Variants in NUSAP1 observed in about 807,000 individuals in gnomAD.
NUSAP1 encodes nucleolar and spindle associated protein 1.
Under a neutral mutation model 52.8 loss-of-function variants are expected in NUSAP1, and 32 were observed. The observed-to-expected ratio is 0.61, with a 90% CI of 0.46 to 0.81. NUSAP1 has a LOEUF of 0.81. Ranked by LOEUF, NUSAP1 falls within the 40% of genes least tolerant of loss-of-function variation. The probability of loss-of-function intolerance (pLI) is 0.00; values close to 1 mark genes in which losing one functional copy is unlikely to be tolerated. For synonymous variants in NUSAP1, 195 were observed against 183.1 expected (o/e 1.06, Z -0.52); for missense variants, 499 against 522.3 (o/e 0.96, Z 0.43).
intron 1 of NUSAP1, among the ~76,000 whole-genome samples, chr15:41,335,608 A>C (rs1243694902): frequency 2.2e-5 from 3 of 138,854 alleles, no homozygotes; most frequent in African/African-American, 7.8e-5. Context: ...TAAATACTAT[A>C]CTTAATATAC....
chr15:41,342,233 C>A (rs1037666459), intron 1 of NUSAP1, among the ~76,000 whole-genome samples, 153 bp from the exon 2 acceptor site: 12 of 152,292 alleles, frequency 7.9e-5, no homozygotes, highest in Admixed American at 7.9e-4. Flanking sequence ...ATGTGAAATT[C>A]CTTAGAGCAG....
At chr15:41,355,958 G>C in intron 4 of NUSAP1, 81 bp from the exon 5 acceptor site, 1 of 804,228 alleles carries the variant, frequency 1.2e-6, no homozygotes. Context: ...GATTACAGGC[G>C]TGAGCTACCG....
intron 1 of NUSAP1, among the ~76,000 whole-genome samples, chr15:41,341,483 C>G (rs1484532856): frequency 6.6e-6 from 1 of 152,112 alleles, no homozygotes; most frequent in Non-Finnish European, 1.5e-5. Context: ...TCCCTTCCCC[C>G]GGCAGAGACC....
At chr15:41,344,963 C>G (rs552587872) in intron 2 of NUSAP1, among the ~76,000 whole-genome samples, 1 of 152,152 alleles carries the variant, frequency 6.6e-6, no homozygotes, top group African/African-American at 2.4e-5. Flanking sequence ...AAAAAAACCA[C>G]CGCACTTATT....
intron 10 of NUSAP1, 94 bp downstream of exon 10, chr15:41,377,398 G>A: frequency 1.5e-6 from 1 of 657,454 alleles, no homozygotes; most frequent in Non-Finnish European, 2.5e-6. Flanking sequence ...GTTTTAAGAG[G>A]AGGTTAGAAG....
intron 2 of NUSAP1, among the ~76,000 whole-genome samples, chr15:41,348,732 C>G (rs557710509): frequency 9.9e-5 from 15 of 152,038 alleles, no homozygotes; most frequent in Admixed American, 7.2e-4. Context: ...CTCCCCTTGC[C>G]GGGTCAAGTG....
At position 41,380,383 on chromosome 15, in the gene NUSAP1, G is replaced by A. The variant is rs1438991417; in HGVS notation, c.*197G>A. On this transcript the variant is annotated 3_prime_UTR_variant, in exon 11 of 11. Transcript: ENST00000559596. ...TATCACCTTAAAGCTCAAATTCTTTGGGATGGTTTTTACTTAAGTCCATTA... is the reference window on the plus strand; with the variant it reads ...TATCACCTTAAAGCTCAAATTCTTTAGGATGGTTTTTACTTAAGTCCATTA... 3 of 411,658 alleles carry A rather than the reference G, an allele frequency of 7.3e-6. No homozygotes were observed. The highest frequency in any genetic ancestry group is 3.5e-5 in the South Asian group (1 of 28,606). The allele number at this position is 411,658 out of a possible 1,614,324, so 25.5% of individuals were successfully genotyped here.
At chr15:41,378,467 G>A (rs547360255) in intron 10 of NUSAP1, among the ~76,000 whole-genome samples, 6 of 152,170 alleles carry the variant, frequency 3.9e-5, no homozygotes, top group Non-Finnish European at 4.4e-5. Flanking sequence ...GGCTATACAC[G>A]ACTGCCACCA....
At chr15:41,336,999 CTTTTTTTTTT>C (rs201223527) in intron 1 of NUSAP1, among the ~76,000 whole-genome samples, 2 of 65,826 alleles carry the variant, frequency 3.0e-5, no homozygotes, top group African/African-American at 7.2e-5. Flanking sequence ...CTTTCCTTTT[CTTTTTTTTTT>C]TTTTTTTTTT....
At chr15:41,355,510 G>A (rs1222439300) in intron 4 of NUSAP1, among the ~76,000 whole-genome samples, 1 of 151,994 alleles carries the variant, frequency 6.6e-6, no homozygotes, top group Non-Finnish European at 1.5e-5. Flanking sequence ...CTCCACAGGT[G>A]TCAGAAAATT....
intron 6 of NUSAP1, among the ~76,000 whole-genome samples, chr15:41,363,375 C>CATAT (rs200759144): frequency 6.7e-6 from 1 of 148,544 alleles, no homozygotes; most frequent in African/African-American, 2.5e-5. Context: ...AAATTATATA[C>CATAT]ATATATATAT....
At position 41,371,832 on chromosome 15, in the gene NUSAP1, G is replaced by A. The variant is rs1028267945; in HGVS notation, c.1006+148G>A. The stretch of plus-strand genomic sequence containing the variant: ...GTCACCCAGGCTAGAGTGTAATGGC[G>A]GGATCTCGGCTCACTGCAACCTCTG... On this transcript the variant is annotated intron_variant, in intron 8 of 10. Coordinates refer to ENST00000559596, the MANE Select transcript of NUSAP1 (RefSeq NM_016359.5). 39 of 898,898 alleles carry A rather than the reference G, an allele frequency of 4.3e-5. No homozygotes were observed. The South Asian group carries it at 5.6e-4, about 13-fold the overall frequency. The allele number at this position is 898,898 out of a possible 1,614,324, so 55.7% of individuals were successfully genotyped here.
In NUSAP1 at chr15:41,371,634, C is replaced by A. The variant is rs559742473; in HGVS notation, c.956C>A (p.Ala319Asp). ...TVSGGTPKGEAVLGTHKLKTI... is the reference protein window; with the variant it reads ...TVSGGTPKGEDVLGTHKLKTI... Reference sequence around the variant, plus strand: ...TCTGGGGGCACCCCAAAAGGCGAGGCTGTGCTTGGGACACACAAATTAAAG... The same window carrying A: ...TCTGGGGGCACCCCAAAAGGCGAGGATGTGCTTGGGACACACAAATTAAAG... Residue 319 changes from alanine to aspartate, a missense_variant, in exon 8 of 11, where the codon GCT becomes GAT. By Grantham distance (126) the Ala-to-Asp change is moderately radical. Coordinates refer to ENST00000559596, the MANE Select transcript of NUSAP1 (RefSeq NM_016359.5). 2.5e-6 allele frequency: 4 copies of A among 1,609,156 alleles called. No homozygotes were observed. In the South Asian group the frequency reaches 4.4e-5, roughly 18 times the overall value.
chr15:41,332,912 A>G lies in NUSAP1; in HGVS notation c.-46A>G, dbSNP rs2047964809. 2 of 1,471,338 alleles carry G rather than the reference A, an allele frequency of 1.4e-6. No individual in the cohort carries two copies. Among genetic ancestry groups the G allele is most frequent in the African/African-American group, 1.4e-5 (1 of 71,840 alleles). The allele number at this position is 1,471,338 out of a possible 1,614,324, so 91.1% of individuals were successfully genotyped here. The stretch of plus-strand genomic sequence containing the variant: ...CCAGGGATTTGAACCGCGCTGACGA[A>G]GTTTGGTGATCCATCTTCCGAGTAT... On this transcript the variant is annotated 5_prime_UTR_variant, in exon 1 of 11. Coordinates refer to ENST00000559596, the MANE Select transcript of NUSAP1 (RefSeq NM_016359.5).
In NUSAP1 at chr15:41,365,553, A is replaced by T; in HGVS notation, c.812A>T (p.Lys271Met). 11 of 1,611,950 alleles carry T rather than the reference A, an allele frequency of 6.8e-6. No homozygotes were observed. Among genetic ancestry groups the T allele is most frequent in the Non-Finnish European group, 9.3e-6 (11 of 1,178,786 alleles). ...ACCTTGGGTCTGAAGGGGTCACTCA[A>T]GCGCTCTGCTATCTCTGCAGCTAAA... ...QSTLGLKGSL[K>M]RSAISAAKTG... is the part of the protein sequence containing the mutation. Residue 271 changes from lysine (K) to methionine (M), a missense_variant, in exon 7 of 11, where the codon AAG (lysine) becomes ATG (methionine). Physicochemically the swap from Lys to Met is moderately conservative, Grantham distance 95 (BLOSUM62 -1). Transcript: ENST00000559596.
At chr15:41,365,835 C>T (rs1203789566) in intron 7 of NUSAP1, 1 of 207,494 alleles carries the variant, frequency 4.8e-6, no homozygotes, top group East Asian at 1.2e-4. Context: ...ATTCTTCTGC[C>T]TCAGCCTCCC....
chr15:41,375,661 C>A (rs1351767460), intron 8 of NUSAP1, 51 bp from the exon 9 acceptor site: 2 of 1,129,276 alleles, frequency 1.8e-6, no homozygotes, highest in Admixed American at 3.4e-5. Context: ...AAACACTTTA[C>A]CAGGTCTTTG....
intron 9 of NUSAP1, among the ~76,000 whole-genome samples, chr15:41,376,827 C>A (rs753302790): frequency 1.3e-5 from 2 of 151,912 alleles, no homozygotes; most frequent in Non-Finnish European, 2.9e-5. Context: ...GTAATCCCAG[C>A]ACTTTGGGAG....
At chr15:41,368,902 C>A (rs757475901) in intron 7 of NUSAP1, among the ~76,000 whole-genome samples, 1 of 151,032 alleles carries the variant, frequency 6.6e-6, no homozygotes, top group Non-Finnish European at 1.5e-5. Context: ...TCAGTTAATT[C>A]TTTTTTTTGT....
Sources: gnomAD v4.1 joint callset for allele counts (sites outside exome capture counted in the v4.1 genomes callset) on GRCh38, gnomAD v4.1.1 for gene constraint, MANE v1.5 for transcripts, NCBI Gene and HGNC (gene_info 2026-07-23, HGNC 2026-07-21) for gene names.